Variants in ATOSA observed in about 807,000 individuals in gnomAD.
ATOSA encodes the protein atos homolog protein A.
At chr15:52,596,438 T>G in the ATOSA span, among the ~76,000 whole-genome samples, 1 of 152,356 alleles carries the variant, frequency 6.6e-6, no homozygotes, top group African/African-American at 2.4e-5. Context: ...AACATCCATA[T>G]GCGTAAAAGG....
chr15:52,694,917 T>C, the ATOSA span, among the ~76,000 whole-genome samples: 2 of 150,160 alleles, frequency 1.3e-5, no homozygotes, highest in African/African-American at 2.5e-5. Context: ...TTTTTTTTTT[T>C]CTGTTTTTTT....
At chr15:52,604,670 C>T in the ATOSA span, among the ~76,000 whole-genome samples, 1 of 152,148 alleles carries the variant, frequency 6.6e-6, no homozygotes, top group African/African-American at 2.4e-5. Flanking sequence ...AGGGGGAATT[C>T]AGTGTGACTC....
At chr15:52,593,581 A>G in the ATOSA span, 1 of 1,563,300 alleles carries the variant, frequency 6.4e-7, no homozygotes. Flanking sequence ...TACTTGCCAT[A>G]TAAGGAGAGG....
At chr15:52,643,579 G>C in the ATOSA span, among the ~76,000 whole-genome samples, 1 of 150,466 alleles carries the variant, frequency 6.6e-6, no homozygotes, top group Non-Finnish European at 1.5e-5. Context: ...CACAGTACCT[G>C]GCCTTGAACT....
the ATOSA span, chr15:52,658,402 G>T: frequency 5.0e-6 from 1 of 201,150 alleles, no homozygotes; most frequent in Non-Finnish European, 9.9e-6. Context: ...TCTGTCAAGA[G>T]CTCTCCGTTT....
the ATOSA span, among the ~76,000 whole-genome samples, chr15:52,693,081 T>A: frequency 6.6e-6 from 1 of 152,166 alleles, no homozygotes; most frequent in African/African-American, 2.4e-5. Flanking sequence ...TTTTAGTCAA[T>A]ATGCTAAAAC....
the ATOSA span, chr15:52,651,831 C>T: frequency 6.5e-7 from 1 of 1,531,606 alleles, no homozygotes; most frequent in Admixed American, 2.0e-5. Context: ...AAATTGGAAG[C>T]TTAAAAATAA....
the ATOSA span, among the ~76,000 whole-genome samples, chr15:52,682,596 C>T: frequency 6.6e-6 from 1 of 152,036 alleles, no homozygotes; most frequent in Non-Finnish European, 1.5e-5. Flanking sequence ...CTCTATGACC[C>T]ATAGCTAGAG....
the ATOSA span, among the ~76,000 whole-genome samples, chr15:52,701,924 AC>A: frequency 1.8e-4 from 27 of 152,190 alleles, no homozygotes; most frequent in Non-Finnish European, 3.1e-4. Context: ...ACATAGCAAG[AC>A]CCCATCTCAA....
the ATOSA span, among the ~76,000 whole-genome samples, chr15:52,613,398 G>A: frequency 2.0e-5 from 3 of 152,084 alleles, no homozygotes; most frequent in Non-Finnish European, 4.4e-5. Context: ...AAATCCAACA[G>A]CAGAGATAGT....
At chr15:52,655,085 G>A in the ATOSA span, among the ~76,000 whole-genome samples, 1 of 152,208 alleles carries the variant, frequency 6.6e-6, no homozygotes, top group African/African-American at 2.4e-5. Flanking sequence ...CAAGTAACTA[G>A]AACCAAGTGG....
At chr15:52,677,922 T>C in the ATOSA span, 14 of 1,530,062 alleles carry the variant, frequency 9.1e-6, no homozygotes, top group East Asian at 2.9e-4. Flanking sequence ...TTGATCCTAC[T>C]GCAGAATTAG....
chr15:52,658,390 T>A, the ATOSA span: 1 of 187,646 alleles, frequency 5.3e-6, no homozygotes, highest in African/African-American at 2.3e-5. Flanking sequence ...AGAGTCAACC[T>A]TTCTGTCAAG....
the ATOSA span, chr15:52,605,042 A>C: frequency 2.3e-6 from 2 of 875,670 alleles, no homozygotes. Context: ...AGATATTTAA[A>C]TTTTTTTCAA....
At chr15:52,646,173 C>T in the ATOSA span, among the ~76,000 whole-genome samples, 2 of 152,152 alleles carry the variant, frequency 1.3e-5, no homozygotes, top group Non-Finnish European at 2.9e-5. Flanking sequence ...ATCCTATTTC[C>T]CACTGAATGC....
chr15:52,672,231 C>T, the ATOSA span, among the ~76,000 whole-genome samples: 1 of 148,082 alleles, frequency 6.8e-6, no homozygotes, highest in African/African-American at 2.5e-5. Flanking sequence ...CACCTGTAGT[C>T]CCAGCTACTC....
chr15:52,693,356 G>T, the ATOSA span, among the ~76,000 whole-genome samples: 1 of 152,172 alleles, frequency 6.6e-6, no homozygotes, highest in African/African-American at 2.4e-5. Context: ...GGAGGCAGAG[G>T]TTGCAGTGAG....
At chr15:52,676,077 G>T in the ATOSA span, among the ~76,000 whole-genome samples, 8 of 152,024 alleles carry the variant, frequency 5.3e-5, no homozygotes, top group African/African-American at 1.7e-4. Flanking sequence ...AATAAAAAAA[G>T]ATAGGCTGAG....
chr15:52,613,564 T>C, the ATOSA span: 3 of 1,263,790 alleles, frequency 2.4e-6, no homozygotes, highest in Non-Finnish European at 2.1e-6. Flanking sequence ...ATGATTATGA[T>C]CAATTTTACA....
Sources: gnomAD v4.1 joint callset for allele counts (sites outside exome capture counted in the v4.1 genomes callset) on GRCh38, gnomAD v4.1.1 for gene constraint, MANE v1.5 for transcripts, NCBI Gene and HGNC (gene_info 2026-07-23, HGNC 2026-07-21) for gene names.